Variants in DYNC2LI1 observed in about 807,000 individuals in gnomAD.
DYNC2LI1 encodes the protein cytoplasmic dynein 2 light intermediate chain 1.
In DYNC2LI1, 45 loss-of-function variants were observed where a neutral mutation model predicts 51.9. The ratio of observed to expected loss-of-function variants is 0.87; its 90% confidence interval spans 0.68 to 1.11. The LOEUF (loss-of-function observed/expected upper bound fraction) is 1.11, where lower values mean the gene tolerates loss of function less well. Among genes scored for constraint, DYNC2LI1 ranks in the 50% most tolerant of loss-of-function variants. DYNC2LI1 has a pLI of 0.00. For synonymous variants in DYNC2LI1, 130 were observed against 137.8 expected, an observed-to-expected ratio of 0.94 and a Z score of 0.40; for missense variants, 490 against 417.4, an observed-to-expected ratio of 1.17 and a Z score of -1.51.
intron 2 of DYNC2LI1, among the ~76,000 whole-genome samples, chr2:43,781,466 C>G (rs577654539): frequency 2.6e-5 from 4 of 151,984 alleles, no homozygotes; most frequent in Admixed American, 6.5e-5. Flanking sequence ...ATTTAAAATT[C>G]CTTCCAATTC....
At chr2:43,827,316 ACT>A in the DYNC2LI1 span, among the ~76,000 whole-genome samples, 1 of 145,998 alleles carries the variant, frequency 6.8e-6, no homozygotes, top group Non-Finnish European at 1.5e-5. Context: ...CAAGAGCGAA[ACT>A]CTGTCTCAAA....
chr2:43,825,775 A>G, the DYNC2LI1 span, among the ~76,000 whole-genome samples: 2 of 152,144 alleles, frequency 1.3e-5, no homozygotes, highest in African/African-American at 2.4e-5. Flanking sequence ...CCCAACTATC[A>G]ATTTTGAATC....
At chr2:43,804,793 A>G in intron 11 of DYNC2LI1, 54 bp downstream of exon 11, 2 of 1,099,240 alleles carry the variant, frequency 1.8e-6, no homozygotes, top group Non-Finnish European at 2.6e-6. Flanking sequence ...TCTAACAGTT[A>G]TAGGAAATGT....
chr2:43,790,464 C>T (rs929454454), intron 5 of DYNC2LI1, among the ~76,000 whole-genome samples: 2 of 151,960 alleles, frequency 1.3e-5, no homozygotes, highest in Non-Finnish European at 2.9e-5. Flanking sequence ...CATTAAGCTC[C>T]TTGGAGGATT....
At chr2:43,809,021 C>G (rs1025176303) in intron 12 of DYNC2LI1, among the ~76,000 whole-genome samples, 2 of 152,044 alleles carry the variant, frequency 1.3e-5, no homozygotes, top group Admixed American at 1.3e-4. Flanking sequence ...CAGGATCTCA[C>G]TCTGTCACCC....
chr2:43,807,496 A>G (rs1011079406), intron 12 of DYNC2LI1, among the ~76,000 whole-genome samples: 9 of 151,720 alleles, frequency 5.9e-5, no homozygotes, highest in African/African-American at 2.2e-4. Context: ...CTGGAGTGCA[A>G]TGGGGAGATC....
chr2:43,786,885 G>C (rs1356547480), intron 3 of DYNC2LI1, among the ~76,000 whole-genome samples: 1 of 152,080 alleles, frequency 6.6e-6, no homozygotes, highest in African/African-American at 2.4e-5. Flanking sequence ...GCATGGCCTG[G>C]ATGTAGAGAT....
At chr2:43,793,031 T>C in intron 5 of DYNC2LI1, 1 of 333,392 alleles carries the variant, frequency 3.0e-6, no homozygotes, top group Non-Finnish European at 5.3e-6. Context: ...GTGGAATTGC[T>C]GGATCATCTG....
At chr2:43,775,751 G>A (rs375886138) in intron 1 of DYNC2LI1, 95 of 377,470 alleles carry the variant, frequency 2.5e-4, no homozygotes, top group Non-Finnish European at 4.0e-4. Context: ...GCAGTGGCAC[G>A]ATCTTGGCTC....
intron 11 of DYNC2LI1, 48 bp downstream of exon 11, chr2:43,804,787 A>G (rs1224387571): frequency 8.3e-7 from 1 of 1,211,860 alleles, no homozygotes; most frequent in Admixed American, 2.3e-5. Flanking sequence ...GCACTGTCTA[A>G]CAGTTATAGG....
At position 43,804,632 on chromosome 2, in the gene DYNC2LI1, G is replaced by A. The variant is rs1666180878; in HGVS notation, c.803-10G>A. The A allele has an allele frequency of 6.4e-7, 1 of 1,553,176 alleles. No homozygotes were observed. The highest frequency in any genetic ancestry group is 8.7e-7 in the Non-Finnish European group (1 of 1,145,508). On this transcript the variant is annotated splice_polypyrimidine_tract_variant and intron_variant, in intron 10 of 12. Coordinates refer to ENST00000260605, the MANE Select transcript of DYNC2LI1 (RefSeq NM_016008.4). ...ATTGCAGTCATTTGTGGTAAAACTT[G>A]CTATTTTAGGATCTCCTCCTGTTCC...
the DYNC2LI1 span, among the ~76,000 whole-genome samples, chr2:43,822,244 A>C: frequency 6.6e-6 from 1 of 152,136 alleles, no homozygotes; most frequent in Non-Finnish European, 1.5e-5. Flanking sequence ...GGGAAATTGC[A>C]ATGGCCTTCT....
chr2:43,816,490 A>G, the DYNC2LI1 span, among the ~76,000 whole-genome samples: 4 of 152,318 alleles, frequency 2.6e-5, no homozygotes, highest in East Asian at 5.8e-4. Context: ...AGCGGGAGGA[A>G]CCATAGATCT....
Position 43,794,529 on chromosome 2 carries a change from G to T in DYNC2LI1, c.393G>T (p.Leu131Phe). 1 of 1,613,940 alleles carries T rather than the reference G, an allele frequency of 6.2e-7. No individual in the cohort carries two copies. ...TCTGGCCCACCATGGAAAATCTCTT[G>T]CAAGCCACAAAAAGCCATGTAGACA... ...NDLWPTMENL[L>F]QATKSHVDKV... is the part of the protein sequence containing the mutation. The change falls in exon 6 of 13, where the codon TTG becomes TTT. Residue 131 changes from leucine (L) to phenylalanine (F), a missense_variant. Transcript: ENST00000260605.
intron 12 of DYNC2LI1, among the ~76,000 whole-genome samples, chr2:43,805,946 A>T (rs771871462): frequency 4.0e-5 from 6 of 150,938 alleles, no homozygotes; most frequent in Non-Finnish European, 7.4e-5. Context: ...CAGTGGCATG[A>T]CCTCGGCTCA....
intron 1 of DYNC2LI1, 96 bp downstream of exon 1, chr2:43,774,242 G>T (rs983899772): frequency 4.2e-5 from 64 of 1,530,796 alleles, no homozygotes; most frequent in Admixed American, 7.4e-5. Context: ...GATTGTGGGG[G>T]TGGCTACTTG....
chr2:43,824,564 C>T, the DYNC2LI1 span: 4 of 1,567,678 alleles, frequency 2.6e-6, no homozygotes, highest in Non-Finnish European at 2.6e-6. Context: ...TTAATGCCCA[C>T]CTATAAAATC....
At chr2:43,808,372 C>T (rs1666348138) in intron 12 of DYNC2LI1, among the ~76,000 whole-genome samples, 1 of 152,082 alleles carries the variant, frequency 6.6e-6, no homozygotes, top group African/African-American at 2.4e-5. Context: ...AAGGTACGCT[C>T]TGCAATTTTT....
intron 7 of DYNC2LI1, 37 bp from the exon 8 acceptor site, chr2:43,796,681 G>T (rs746600459): frequency 2.8e-6 from 4 of 1,420,132 alleles, no homozygotes; most frequent in South Asian, 2.3e-5. Flanking sequence ...ATAGATATTT[G>T]GTTATCTTGA....
Sources: allele counts gnomAD v4.1 joint callset (sites outside exome capture counted in the v4.1 genomes callset), GRCh38; gene constraint gnomAD v4.1.1; transcripts MANE v1.5; gene names NCBI Gene and HGNC (gene_info 2026-07-23, HGNC 2026-07-21).